LIPM: variants seen among roughly 807,000 people sequenced by gnomAD.
The protein encoded by LIPM is lipase family member M, also known as lipase member M.
Under a neutral mutation model 42.4 loss-of-function variants are expected in LIPM, and 42 were observed. The ratio of observed to expected loss-of-function variants is 0.99; its 90% CI spans 0.77 to 1.28. LIPM has a LOEUF of 1.28. LIPM is among the 50% of genes most tolerant of loss of function. LIPM has a pLI of 0.00. For missense variants in LIPM, 524 were observed against 520.1 expected (o/e 1.01, Z -0.07); for synonymous variants, 177 against 173.3 (o/e 1.02, Z -0.17).
In LIPM at chr10:88,816,992, T is replaced by G. The variant is rs1843725545; in HGVS notation, c.930+105T>G. 5.8e-6 allele frequency: 5 copies of G among 858,990 alleles called. No individual in the cohort carries two copies. The Admixed American group carries it at 8.1e-5, about 14-fold the overall frequency. The allele number at this position is 858,990 out of a possible 1,614,324, so 53.2% of individuals were successfully genotyped here. A position where few individuals can be genotyped will look rare whatever the true frequency, so the allele number is the denominator to read the frequency against. On this transcript the variant is annotated intron_variant, in intron 7 of 8. Coordinates refer to ENST00000404743, the MANE Select transcript of LIPM (RefSeq NM_001128215.1). ...AAGCCAGGGATTATTTCACACTTAT[T>G]CTAAGATGAAATGCAGTATCGTCGA...
At chr10:88,806,455 T>C (rs1386528456) in intron 1 of LIPM, among the ~76,000 whole-genome samples, 1 of 152,128 alleles carries the variant, frequency 6.6e-6, no homozygotes, top group Non-Finnish European at 1.5e-5. Flanking sequence ...TTGTCAGATG[T>C]CCTCCATTCT....
chr10:88,807,987 C>A (rs906933697), intron 1 of LIPM, among the ~76,000 whole-genome samples: 1 of 152,142 alleles, frequency 6.6e-6, no homozygotes, highest in Non-Finnish European at 1.5e-5. Context: ...TGGGCCCAGT[C>A]CTCTGAGTTC....
intron 1 of LIPM, among the ~76,000 whole-genome samples, chr10:88,807,556 G>T (rs933998198): frequency 1.3e-5 from 2 of 152,178 alleles, no homozygotes; most frequent in Non-Finnish European, 2.9e-5. Context: ...ATAGAGTAAG[G>T]ATTCTTAACC....
At position 88,820,270 on chromosome 10, in the gene LIPM, C is replaced by T. The variant is rs1267937220; in HGVS notation, c.1041C>T (p.Val347=). Residue 347 remains valine (V), a synonymous_variant, in exon 9 of 9, where the codon GTC becomes GTT. Transcript: ENST00000404743. ...GGTACAGAGTCAGAGATATGACGGT[C>T]CCTACAGCAATGTGGACAGGAGGTC... is the stretch of plus-strand genomic sequence containing the variant. ...PVRYRVRDMT[V]PTAMWTGGQD... is the part of the protein sequence containing the mutation. 5.8e-6 allele frequency: 9 copies of T among 1,551,814 alleles called. No individual in the cohort carries two copies. In the Admixed American group the frequency reaches 1.8e-4, roughly 30 times the overall value.
In LIPM at chr10:88,802,759, G is replaced by C. The variant is rs769213044; in HGVS notation, c.-138G>C. The C allele has an allele frequency of 6.0e-6, 5 of 832,952 alleles. No homozygotes were observed. The highest frequency in any genetic ancestry group is 9.2e-6 in the Non-Finnish European group (5 of 540,818). The allele number at this position is 832,952 out of a possible 1,614,324, so 51.6% of individuals were successfully genotyped here. A position where few individuals can be genotyped will look rare whatever the true frequency, so the allele number is the denominator to read the frequency against. On this transcript the variant is annotated 5_prime_UTR_variant, in exon 1 of 9. Coordinates refer to ENST00000404743, the MANE Select transcript of LIPM (RefSeq NM_001128215.1). ...TTTGTGTTCTTTCCCTACCAACTAA[G>C]CTTGCCTAATTTGCTTCAGAATTGG...
In LIPM at chr10:88,817,865, G is replaced by C; in HGVS notation, c.971G>C (p.Ser324Thr). ...SGELRAFDWG[S>T]ETKNLEKCNQ... ...GAACTCCGGGCATTTGACTGGGGGAGTGAGACCAAAAATCTGGAAAAATGC... is the reference window on the plus strand; with the variant it reads ...GAACTCCGGGCATTTGACTGGGGGACTGAGACCAAAAATCTGGAAAAATGC... Residue 324 changes from serine (S) to threonine (T), a missense_variant, in exon 8 of 9, where the codon AGT (serine) becomes ACT (threonine). Ser to Thr is a moderately conservative substitution (Grantham distance 58, BLOSUM62 1). Coordinates refer to ENST00000404743, the MANE Select transcript of LIPM (RefSeq NM_001128215.1). 3 of 1,551,468 alleles carry C rather than the reference G, an allele frequency of 1.9e-6. No homozygotes were observed. The highest frequency in any genetic ancestry group is 2.6e-6 in the Non-Finnish European group (3 of 1,146,850).
chr10:88,812,900 A>C (rs1316837251), intron 2 of LIPM, among the ~76,000 whole-genome samples, 197 bp from the exon 3 acceptor site: 1 of 152,242 alleles, frequency 6.6e-6, no homozygotes, highest in African/African-American at 2.4e-5. Flanking sequence ...ATTAAAGCAT[A>C]ACAAAAATCT....
At chr10:88,820,139 A>G in intron 8 of LIPM, 93 bp from the exon 9 acceptor site, 1 of 1,058,418 alleles carries the variant, frequency 9.4e-7, no homozygotes, top group Non-Finnish European at 1.3e-6. Flanking sequence ...TCACCACAAC[A>G]GATGGCATGT....
chr10:88,819,529 A>G (rs1843761496), intron 8 of LIPM, among the ~76,000 whole-genome samples: 1 of 152,182 alleles, frequency 6.6e-6, no homozygotes, highest in South Asian at 2.1e-4. Flanking sequence ...ACTTCTGAGG[A>G]AAGTTCTGGA....
rs1296780439 is a variant in LIPM at position 88,803,101 on chromosome 10, A to G, written c.147+58A>G. ...AACATGTTAACGTTTGTATCTGTGT[A>G]TTATTTACATTATGTATTATATTTA... On this transcript the variant is annotated intron_variant, in intron 1 of 8. Transcript: ENST00000404743. The G allele has an allele frequency of 4.1e-6, 6 of 1,472,550 alleles. No individual in the cohort carries two copies. The East Asian group carries it at 7.4e-5, about 18-fold the overall frequency. 91.2% of individuals were successfully genotyped at this position (1,472,550 alleles called of 1,614,324 possible).
chr10:88,818,257 A>G (rs183237077), intron 8 of LIPM, among the ~76,000 whole-genome samples: 2 of 152,316 alleles, frequency 1.3e-5, no homozygotes, highest in African/African-American at 2.4e-5. Flanking sequence ...AGTTTGTTTC[A>G]TGGCACAGTA....
In LIPM at chr10:88,811,090, T is replaced by G. The variant is rs61414474; in HGVS notation, c.266-2007T>G. 3.2e-3 allele frequency among the ~76,000 whole-genome samples: 489 copies of G among 150,546 alleles called. 2 individuals carry two copies. Among genetic ancestry groups the G allele is most frequent in the African/African-American group, 0.011 (463 of 40,654 alleles). On this transcript the variant is annotated intron_variant, in intron 2 of 8. Coordinates refer to ENST00000404743, the MANE Select transcript of LIPM (RefSeq NM_001128215.1). ...TGAGGCAGATGGAATTCATGAAGAC[T>G]GTCAAGATGCTGGATGAGTTTGGTG...
At chr10:88,804,161 A>T (rs1010816808) in intron 1 of LIPM, among the ~76,000 whole-genome samples, 1 of 152,202 alleles carries the variant, frequency 6.6e-6, no homozygotes, top group African/African-American at 2.4e-5. Flanking sequence ...TTCAATGATT[A>T]GGTGGTTTGT....
chr10:88,819,690 T>A (rs767642007), intron 8 of LIPM, among the ~76,000 whole-genome samples: 4 of 152,160 alleles, frequency 2.6e-5, no homozygotes, highest in Non-Finnish European at 4.4e-5. Context: ...AACTTTTACT[T>A]CCCTTTAGCT....
At chr10:88,818,529 G>C (rs1378015114) in intron 8 of LIPM, among the ~76,000 whole-genome samples, 1 of 152,156 alleles carries the variant, frequency 6.6e-6, no homozygotes. Context: ...ACTAAAATTA[G>C]ATATCAAAGT....
At chr10:88,813,381 G>T in intron 3 of LIPM, 86 bp downstream of exon 3, 1 of 1,141,414 alleles carries the variant, frequency 8.8e-7, no homozygotes. Context: ...GTATTTGGTT[G>T]ATTTATTTTG....
Position 88,813,708 on chromosome 10 carries a change from G to A in LIPM, c.464+413G>A, listed in dbSNP as rs183329456. Among the ~76,000 whole-genome samples, 38 of 152,190 alleles carry A rather than the reference G, an allele frequency of 2.5e-4. No individual in the cohort carries two copies. The East Asian group carries it at 7.3e-3, about 29-fold the overall frequency. ...TTCACACTGCTGTAAAGAACTGCCC[G>A]AGACTAAGTAATTTATAAAGTAAAG... On this transcript the variant is annotated intron_variant, in intron 3 of 8. Coordinates refer to ENST00000404743, the MANE Select transcript of LIPM (RefSeq NM_001128215.1).
intron 2 of LIPM, among the ~76,000 whole-genome samples, chr10:88,811,636 C>A (rs752375857): frequency 3.9e-4 from 60 of 152,230 alleles, no homozygotes; most frequent in Middle Eastern, 6.8e-3. Context: ...GATATAATTT[C>A]CAATTTATGG....
intron 3 of LIPM, among the ~76,000 whole-genome samples, chr10:88,813,694 G>T (rs1399968033): frequency 6.6e-6 from 1 of 152,134 alleles, no homozygotes; most frequent in Non-Finnish European, 1.5e-5. Flanking sequence ...TCACACTGCT[G>T]TAAAGAACTG....
Sources: allele counts gnomAD v4.1 joint callset (sites outside exome capture counted in the v4.1 genomes callset), GRCh38; gene constraint gnomAD v4.1.1; transcripts MANE v1.5; gene names NCBI Gene and HGNC (gene_info 2026-07-23, HGNC 2026-07-21).